FSIP1: variants seen among roughly 807,000 people sequenced by gnomAD.
FSIP1 encodes the protein fibrous sheath interacting protein 1.
A neutral mutation model predicts 60.9 loss-of-function variants in FSIP1; 65 were observed. The ratio of observed to expected loss-of-function variants is 1.07; its 90% CI spans 0.87 to 1.31. The LOEUF (loss-of-function observed/expected upper bound fraction) is 1.31. FSIP1 is among the 40% of genes most tolerant of loss of function. The pLI is 0.00. For synonymous variants in FSIP1, 209 were observed against 221.2 expected (o/e 0.94, Z 0.49); for missense variants, 675 against 665.5 (o/e 1.01, Z -0.16).
intron 10 of FSIP1, among the ~76,000 whole-genome samples, chr15:39,621,835 C>A (rs1490276478): frequency 6.6e-6 from 1 of 152,148 alleles, no homozygotes; most frequent in Non-Finnish European, 1.5e-5. Context: ...CTTCTGGGTG[C>A]AATACAGATT....
chr15:39,600,140 T>C lies in FSIP1; in HGVS notation c.*740A>G, dbSNP rs1325140692. 4 of 152,362 alleles carry C rather than the reference T, an allele frequency of 2.6e-5. No individual in the cohort carries two copies. The highest frequency in any genetic ancestry group is 9.6e-5 in the African/African-American group (4 of 41,586). The allele number at this position is 152,362 out of a possible 1,614,324, so 9.4% of individuals were successfully genotyped here. A position where few individuals can be genotyped will look rare whatever the true frequency, so the allele number is the denominator to read the frequency against. ...TCTAATGCCAACTCATCTTATGGAATGTCAACACAAAATTTTCTCATGAAT... is the reference window on the plus strand; with the variant it reads ...TCTAATGCCAACTCATCTTATGGAACGTCAACACAAAATTTTCTCATGAAT... On this transcript the variant is annotated 3_prime_UTR_variant, in exon 12 of 12. Coordinates refer to ENST00000350221, the MANE Select transcript of FSIP1 (RefSeq NM_152597.5).
chr15:39,618,532 AC>A (rs1256964989), intron 10 of FSIP1, among the ~76,000 whole-genome samples: 1 of 151,938 alleles, frequency 6.6e-6, no homozygotes, highest in East Asian at 1.9e-4. Context: ...GACTACCCCT[AC>A]CTCTGGGGAT....
At chr15:39,597,621 T>C (rs1890501659), downstream of FSIP1, 1 of 151,996 alleles carries the variant, frequency 6.6e-6, no homozygotes, top group Non-Finnish European at 1.5e-5. Context: ...AAAGACTGAG[T>C]TGCTCAGGCC....
At chr15:39,671,287 C>A (rs965129097) in intron 10 of FSIP1, among the ~76,000 whole-genome samples, 1 of 152,102 alleles carries the variant, frequency 6.6e-6, no homozygotes, top group African/African-American at 2.4e-5. Context: ...TTTTCCATCA[C>A]TCCCAAACAA....
At chr15:39,714,753 G>A (rs1895667972) in intron 9 of FSIP1, among the ~76,000 whole-genome samples, 1 of 151,256 alleles carries the variant, frequency 6.6e-6, no homozygotes, top group Non-Finnish European at 1.5e-5. Flanking sequence ...AGGATCCCTT[G>A]AGCCCAGAAG....
At chr15:39,699,081 G>C (rs1451439094) in intron 10 of FSIP1, among the ~76,000 whole-genome samples, 1 of 152,154 alleles carries the variant, frequency 6.6e-6, no homozygotes, top group African/African-American at 2.4e-5. Flanking sequence ...CAACTAAGAA[G>C]GGAAAAGATG....
intron 5 of FSIP1, among the ~76,000 whole-genome samples, chr15:39,751,325 A>C (rs1166758042): frequency 6.6e-6 from 1 of 151,892 alleles, no homozygotes; most frequent in East Asian, 1.9e-4. Flanking sequence ...CTGCACTCCC[A>C]TGTTTATTGC....
At chr15:39,687,136 C>T (rs910195757) in intron 10 of FSIP1, among the ~76,000 whole-genome samples, 20 of 47,682 alleles carry the variant, frequency 4.2e-4, no homozygotes, top group South Asian at 8.9e-4. Context: ...CTTTTCTTTT[C>T]CTTTTTTTTT....
At chr15:39,772,677 A>T (rs1897929545) in intron 2 of FSIP1, among the ~76,000 whole-genome samples, 1 of 151,102 alleles carries the variant, frequency 6.6e-6, no homozygotes, top group African/African-American at 2.4e-5. Flanking sequence ...TGCAGCCTCC[A>T]TCTCCCGGGT....
intron 10 of FSIP1, among the ~76,000 whole-genome samples, chr15:39,646,520 C>CAAAAAAAAAAAAAAAAAAAA (rs71132108): frequency 1.1e-4 from 3 of 27,116 alleles, no homozygotes; most frequent in East Asian, 1.8e-3. Context: ...CTCATCTCTA[C>CAAAAAAAAAAAAAAAAAAAA]AAAAAAAAAA....
intron 11 of FSIP1, among the ~76,000 whole-genome samples, chr15:39,613,935 G>C (rs1260414936): frequency 2.6e-5 from 4 of 152,124 alleles, no homozygotes; most frequent in Non-Finnish European, 2.9e-5. Flanking sequence ...AACAGATTAG[G>C]TATAGAGGTA....
At chr15:39,750,832 T>C (rs751391155) in intron 5 of FSIP1, among the ~76,000 whole-genome samples, 1 of 151,410 alleles carries the variant, frequency 6.6e-6, no homozygotes, top group African/African-American at 2.4e-5. Flanking sequence ...AAGGAAACAA[T>C]CAATAAAAGA....
intron 10 of FSIP1, among the ~76,000 whole-genome samples, chr15:39,690,692 G>C (rs1385317771): frequency 6.6e-6 from 1 of 152,172 alleles, no homozygotes; most frequent in Non-Finnish European, 1.5e-5. Flanking sequence ...TGTTACTTTT[G>C]TCCATTGCTG....
At chr15:39,617,609 TC>T in intron 11 of FSIP1, 125 bp downstream of exon 11, 1 of 754,386 alleles carries the variant, frequency 1.3e-6, no homozygotes, top group Non-Finnish European at 2.2e-6. Flanking sequence ...GTTTGCATAC[TC>T]TTATTGACGC....
chr15:39,661,649 A>C (rs1247688012), intron 10 of FSIP1, among the ~76,000 whole-genome samples: 1 of 152,214 alleles, frequency 6.6e-6, no homozygotes, highest in Non-Finnish European at 1.5e-5. Flanking sequence ...CTAGTCCCAA[A>C]GCACTATGGG....
At chr15:39,639,327 C>G (rs1486842499) in intron 10 of FSIP1, among the ~76,000 whole-genome samples, 1 of 151,986 alleles carries the variant, frequency 6.6e-6, no homozygotes, top group Non-Finnish European at 1.5e-5. Flanking sequence ...CCTTTTTTTT[C>G]AAGCGTTTTT....
chr15:39,769,161 C>A (rs544503629), intron 3 of FSIP1, among the ~76,000 whole-genome samples: 4 of 151,882 alleles, frequency 2.6e-5, no homozygotes, highest in Non-Finnish European at 4.4e-5. Context: ...CGCCTGTAGT[C>A]CCAGCTACTC....
chr15:39,712,141 T>G (rs1895541621), intron 10 of FSIP1, among the ~76,000 whole-genome samples: 2 of 151,616 alleles, frequency 1.3e-5, no homozygotes, highest in Non-Finnish European at 2.9e-5. Flanking sequence ...ATTCATTCCC[T>G]TTAGATCTGC....
chr15:39,667,227 T>C (rs1177279433), intron 10 of FSIP1, among the ~76,000 whole-genome samples: 2 of 152,120 alleles, frequency 1.3e-5, no homozygotes, highest in Non-Finnish European at 2.9e-5. Context: ...AAAATAATTT[T>C]TTTAATAAAT....
Sources: gnomAD v4.1 joint callset for allele counts (sites outside exome capture counted in the v4.1 genomes callset) on GRCh38, gnomAD v4.1.1 for gene constraint, MANE v1.5 for transcripts, NCBI Gene and HGNC (gene_info 2026-07-23, HGNC 2026-07-21) for gene names.